CHTOP: variants seen among roughly 807,000 people sequenced by gnomAD.
CHTOP encodes chromatin target of PRMT1.
CHTOP carries 18 observed loss-of-function variants against 33.6 expected under a neutral mutation model. That is an observed-to-expected ratio of 0.54 (90% CI 0.37 to 0.80). The LOEUF (loss-of-function observed/expected upper bound fraction) is 0.80, where lower values mean the gene tolerates loss of function less well. Among genes scored for constraint, CHTOP ranks in the 30% least tolerant of loss-of-function variants. The pLI, the probability that CHTOP is intolerant of heterozygous loss-of-function variation, is 0.00. For synonymous variants in CHTOP, 117 were observed against 127.7 expected, an observed-to-expected ratio of 0.92 and a Z score of 0.56; for missense variants, 263 against 336.8, an observed-to-expected ratio of 0.78 and a Z score of 1.71.
intron 3 of CHTOP, chr1:153,639,497 T>C (rs1359646123): frequency 3.4e-6 from 2 of 588,586 alleles, no homozygotes; most frequent in Non-Finnish European, 4.3e-6. Context: ...AATTCAGCAG[T>C]TAAATATAAC....
intron 5 of CHTOP, chr1:153,644,353 G>A (rs1395173275): frequency 6.6e-6 from 1 of 152,216 alleles, no homozygotes; most frequent in Non-Finnish European, 1.5e-5. Flanking sequence ...ACGAGGGTGG[G>A]AGAGACTAAA....
chr1:153,642,669 T>C (rs992022334), intron 4 of CHTOP: 2 of 344,472 alleles, frequency 5.8e-6, no homozygotes, highest in Non-Finnish European at 1.0e-5. Flanking sequence ...GTCATCTCCA[T>C]TCCATTTTAA....
chr1:153,634,536 T>C (rs191259909), intron 1 of CHTOP, 193 bp downstream of exon 1: 72 of 152,968 alleles, frequency 4.7e-4, no homozygotes, highest in African/African-American at 1.5e-3. Context: ...GCGGGATTGA[T>C]GGAGGTTGGG....
At chr1:153,634,419 G>C (rs377255376) in intron 1 of CHTOP, 76 bp downstream of exon 1, 1 of 153,102 alleles carries the variant, frequency 6.5e-6, no homozygotes, top group Non-Finnish European at 1.5e-5. Flanking sequence ...ACGCGGAAAG[G>C]GGGTGGTGGC....
At chr1:153,635,758 G>A (rs1037088228) in intron 1 of CHTOP, among the ~76,000 whole-genome samples, 1 of 151,580 alleles carries the variant, frequency 6.6e-6, no homozygotes. Flanking sequence ...GGAGGCAGAG[G>A]TTGCAGTGAA....
chr1:153,637,613 A>C (rs1481806659), intron 2 of CHTOP: 13 of 152,300 alleles, frequency 8.5e-5, no homozygotes, highest in Admixed American at 8.5e-4. Flanking sequence ...CTGCCACTGC[A>C]CTCCAGCCAG....
In CHTOP at chr1:153,642,259, G is replaced by A. The variant is rs1381105333; in HGVS notation, c.233G>A (p.Arg78His). Residue 78 changes from arginine to histidine, a missense_variant, in exon 4 of 6, where the codon CGC becomes CAC. Arg to His is a conservative substitution (Grantham distance 29, BLOSUM62 0). Transcript: ENST00000368694. ...ALKLKQSLKQ[R>H]LGKSNIQARL... Reference sequence around the variant, plus strand: ...TTCTTCCAGAAGAGCTTAAAGCAGCGCCTGGGTAAGAGTAACATCCAGGCA... The same window carrying A: ...TTCTTCCAGAAGAGCTTAAAGCAGCACCTGGGTAAGAGTAACATCCAGGCA... 1.2e-6 allele frequency: 2 copies of A among 1,611,404 alleles called. No homozygotes were observed. Among genetic ancestry groups the A allele is most frequent in the African/African-American group, 1.3e-5 (1 of 74,842 alleles).
rs5777875 is a variant in CHTOP at position 153,634,865 on chromosome 1, T to TG, written c.-18+530dup. Reference sequence around the variant, plus strand: ...ATACATATATATATATATTTTTTTTTGGGGGGGGACGGAGTTTCGCTCTTG... The same window carrying TG: ...ATACATATATATATATATTTTTTTTTGGGGGGGGGACGGAGTTTCGCTCTTG... On this transcript the variant is annotated intron_variant, in intron 1 of 5. Transcript: ENST00000368694. 3.0e-4 allele frequency among the ~76,000 whole-genome samples: 44 copies of TG among 146,506 alleles called. No homozygotes were observed. The South Asian group carries it at 6.4e-3, about 21-fold the overall frequency.
chr1:153,642,259 G>C lies in CHTOP; in HGVS notation c.233G>C (p.Arg78Pro). 6.2e-7 allele frequency: 1 copy of C among 1,611,522 alleles called. No homozygotes were observed. Among genetic ancestry groups the C allele is most frequent in the Non-Finnish European group, 8.5e-7 (1 of 1,178,414 alleles). ...TTCTTCCAGAAGAGCTTAAAGCAGC[G>C]CCTGGGTAAGAGTAACATCCAGGCA... ...ALKLKQSLKQ[R>P]LGKSNIQARL... The change falls in exon 4 of 6, where the codon CGC becomes CCC. Residue 78 changes from arginine to proline, a missense_variant. By Grantham distance (103) the Arg-to-Pro change is moderately radical (BLOSUM62 -2). Transcript: ENST00000368694.
At chr1:153,639,640 T>G (rs1487568951) in intron 3 of CHTOP, among the ~76,000 whole-genome samples, 3 of 152,312 alleles carry the variant, frequency 2.0e-5, no homozygotes, top group African/African-American at 7.2e-5. Context: ...GGCACCATTT[T>G]CCAAGAGTAA....
rs1346533583 is a variant in CHTOP at position 153,634,230 on chromosome 1, C to A, written c.-131C>A. On this transcript the variant is annotated 5_prime_UTR_variant, in exon 1 of 6. Transcript: ENST00000368694. ...ACCGCTTACGCATCTAACCAACCGC[C>A]CATCTAGCTAACCCGAGCCCCTCCA... 6.5e-6 allele frequency: 1 copy of A among 152,732 alleles called. No individual in the cohort carries two copies. The highest frequency in any genetic ancestry group is 1.5e-5 in the Non-Finnish European group (1 of 68,086). 9.5% of individuals were successfully genotyped at this position (152,732 alleles called of 1,614,324 possible).
chr1:153,640,892 C>A (rs980820428), intron 3 of CHTOP, among the ~76,000 whole-genome samples: 1 of 152,090 alleles, frequency 6.6e-6, no homozygotes, highest in Admixed American at 6.6e-5. Flanking sequence ...TATTAAAGGC[C>A]GGTATTGGTG....
In CHTOP at chr1:153,638,446, C is replaced by G; in HGVS notation, c.217C>G (p.Gln73Glu). 6.2e-7 allele frequency: 1 copy of G among 1,614,144 alleles called. No individual in the cohort carries two copies. Among genetic ancestry groups the G allele is most frequent in the Admixed American group, 1.7e-5 (1 of 60,022 alleles). Residue 73 changes from glutamine (Q) to glutamate (E), a missense_variant and splice_region_variant, in exon 3 of 6, where the codon CAG (glutamine) becomes GAG (glutamate). Physicochemically the swap from Gln to Glu is conservative, Grantham distance 29 (BLOSUM62 2). Coordinates refer to ENST00000368694, the MANE Select transcript of CHTOP (RefSeq NM_015607.4). ...TGTCCAGGCAGCATTAAAACTTAAG[C>G]AGGTGAGAGAATGGGTCTTAATGCT... ...PSVQAALKLK[Q>E]SLKQRLGKSN...
Position 153,636,619 on chromosome 1 carries a change from C to T in CHTOP, c.31C>T (p.Leu11=). The part of the protein sequence containing the change: MAAQSAPKVV[L]KSTTKMSLNE... The stretch of plus-strand genomic sequence containing the variant: ...TGCACAGTCAGCGCCGAAAGTTGTG[C>T]TAAAAAGCACCACCAAGATGTCTCT... Residue 11 remains leucine (L), a synonymous_variant, in exon 2 of 6, where the codon CTA becomes TTA. Coordinates refer to ENST00000368694, the MANE Select transcript of CHTOP (RefSeq NM_015607.4). The T allele has an allele frequency of 6.2e-7, 1 of 1,613,738 alleles. No individual in the cohort carries two copies. Among genetic ancestry groups the T allele is most frequent in the Non-Finnish European group, 8.5e-7 (1 of 1,179,694 alleles).
At position 153,645,394 on chromosome 1, in the gene CHTOP, C is replaced by A; in HGVS notation, c.*125C>A. 1.2e-6 allele frequency: 1 copy of A among 859,476 alleles called. No individual in the cohort carries two copies. The highest frequency in any genetic ancestry group is 1.8e-6 in the Non-Finnish European group (1 of 561,444). 53.2% of individuals were successfully genotyped at this position (859,476 alleles called of 1,614,324 possible). ...CCTATCACAATAGGCTGTGGACTTA[C>A]TTGCCACCAGCTTGTGCATTTAGTG... On this transcript the variant is annotated 3_prime_UTR_variant, in exon 6 of 6. Coordinates refer to ENST00000368694, the MANE Select transcript of CHTOP (RefSeq NM_015607.4).
At position 153,645,187 on chromosome 1, in the gene CHTOP, C is replaced by T; in HGVS notation, c.665C>T (p.Ala222Val). The T allele has an allele frequency of 6.2e-7, 1 of 1,614,236 alleles. No homozygotes were observed. The highest frequency in any genetic ancestry group is 8.5e-7 in the Non-Finnish European group (1 of 1,180,050). Residue 222 changes from alanine (A) to valine (V), a missense_variant, in exon 6 of 6, where the codon GCA becomes GTA. Transcript: ENST00000368694. ...TKEQLDNQLD[A>V]YMSKTKGHLD... ...GAGCAGCTGGACAACCAATTGGATG[C>T]ATATATGTCGAAAACAAAAGGACAC... is the stretch of plus-strand genomic sequence containing the variant.
At chr1:153,637,114 C>G in intron 2 of CHTOP, 1 of 153,646 alleles carries the variant, frequency 6.5e-6, no homozygotes, top group Non-Finnish European at 1.4e-5. Flanking sequence ...CTCCATTTCA[C>G]TTTCTTTCCA....
intron 2 of CHTOP, chr1:153,637,876 T>G (rs950225161): frequency 5.5e-6 from 1 of 181,968 alleles, no homozygotes; most frequent in Non-Finnish European, 1.2e-5. Context: ...GAGAGTATGT[T>G]CATTGCTGTG....
Position 153,643,305 on chromosome 1 carries a change from G to A in CHTOP, c.482G>A (p.Gly161Asp). 1 of 1,613,514 alleles carries A rather than the reference G, an allele frequency of 6.2e-7. No homozygotes were observed. The highest frequency in any genetic ancestry group is 1.1e-5 in the South Asian group (1 of 91,028). ...LRRGGVRGRGGPGRGGLGRGA... is the reference protein window; with the variant it reads ...LRRGGVRGRGDPGRGGLGRGA... ...AGAGGTGGTGTTCGAGGTCGTGGAG[G>A]TCCTGGGAGAGGGGGCCTAGGGCGT... The change falls in exon 5 of 6, where the codon GGT becomes GAT. Residue 161 changes from glycine to aspartate, a missense_variant. Around this residue, in one of 3 missense-constraint regions of CHTOP, gnomAD observed 168 missense variants for 179.9 expected, o/e 0.93. Transcript: ENST00000368694.
Sources: allele counts gnomAD v4.1 joint callset (sites outside exome capture counted in the v4.1 genomes callset), GRCh38; gene constraint gnomAD v4.1.1; regional missense constraint gnomAD v4.1.1; transcripts MANE v1.5; gene names NCBI Gene and HGNC (gene_info 2026-07-23, HGNC 2026-07-21).